The following SNTG1 variants were observed in gnomAD, a reference collection of about 807,000 sequenced individuals.
SNTG1 encodes syntrophin gamma 1.
A neutral mutation model predicts 74.7 loss-of-function variants in SNTG1; 39 were observed. The observed-to-expected ratio is 0.52, with a 90% CI of 0.40 to 0.68. The LOEUF is 0.68. SNTG1 is among the 30% of genes least tolerant of loss of function. SNTG1 has a pLI of 0.00. For missense variants in SNTG1, 685 were observed against 609.5 expected (o/e 1.12, Z -1.30); for synonymous variants, 254 against 217.1 (o/e 1.17, Z -1.49).
rs901465519 is a variant in SNTG1 at position 50,246,511 on chromosome 8, T to G, written c.-28+73876T>G. ...AGAAACATTAGTGTCTTTCTTTTTT[T>G]TTTTTTTTGCTTAATTAGAAAAGAA... is the stretch of plus-strand genomic sequence containing the variant. On this transcript the variant is annotated intron_variant, in intron 2 of 18. Transcript: ENST00000642720. Among the ~76,000 whole-genome samples the G allele has an allele frequency of 1.7e-4, 26 of 152,142 alleles. No individual in the cohort carries two copies. The South Asian group carries it at 3.9e-3, about 23-fold the overall frequency.
chr8:50,764,112 T>C (rs1284422399), intron 18 of SNTG1, among the ~76,000 whole-genome samples: 1 of 151,518 alleles, frequency 6.6e-6, no homozygotes, highest in African/African-American at 2.4e-5. Flanking sequence ...GACAAGAAAA[T>C]GGAATTTTCA....
intron 1 of SNTG1, among the ~76,000 whole-genome samples, chr8:49,944,957 T>G (rs922945824): frequency 3.3e-5 from 5 of 152,078 alleles, no homozygotes; most frequent in African/African-American, 1.2e-4. Context: ...CTGGCTAATT[T>G]TTTTGTATTT....
Position 50,485,288 on chromosome 8 carries a change from T to G in SNTG1, c.364-17490T>G, listed in dbSNP as rs186542853. Among the ~76,000 whole-genome samples, 647 of 152,366 alleles carry G rather than the reference T, an allele frequency of 4.2e-3. 2 individuals carry two copies. The highest frequency in any genetic ancestry group is 6.4e-3 in the Non-Finnish European group (437 of 68,038). ...AGACAACTGTACCACATTTCAGTGA[T>G]GTCAGTATTATTAGCACAGAGGCCA... is the stretch of plus-strand genomic sequence containing the variant. On this transcript the variant is annotated intron_variant, in intron 8 of 18. Coordinates refer to ENST00000642720, the MANE Select transcript of SNTG1 (RefSeq NM_018967.5).
At chr8:50,115,239 A>T (rs181552900) in intron 1 of SNTG1, among the ~76,000 whole-genome samples, 1 of 152,000 alleles carries the variant, frequency 6.6e-6, no homozygotes, top group Non-Finnish European at 1.5e-5. Context: ...ATTAAATTCT[A>T]CTAAGGATGT....
In SNTG1 at chr8:50,197,690, T is replaced by C. The variant is rs192111605; in HGVS notation, c.-28+25055T>C. 1.8e-3 allele frequency among the ~76,000 whole-genome samples: 268 copies of C among 152,274 alleles called. 2 individuals carry two copies. The highest frequency in any genetic ancestry group is 6.1e-3 in the African/African-American group (252 of 41,550). ...AGCTACATATCACTAAAAATAAGGA[T>C]ATTCTACTTTATCATTTTACCTTCC... On this transcript the variant is annotated intron_variant, in intron 2 of 18. Transcript: ENST00000642720.
chr8:50,411,214 C>T (rs769404780), intron 4 of SNTG1, among the ~76,000 whole-genome samples: 9 of 151,894 alleles, frequency 5.9e-5, no homozygotes, highest in Non-Finnish European at 1.0e-4. Flanking sequence ...TTTGGGAGGC[C>T]GAGATGGCCA....
chr8:50,719,758 A>G (rs917493361), intron 17 of SNTG1, among the ~76,000 whole-genome samples: 1 of 152,202 alleles, frequency 6.6e-6, no homozygotes, highest in Non-Finnish European at 1.5e-5. Flanking sequence ...TATGATTAAA[A>G]TAAATATTGT....
chr8:50,779,606 G>A (rs2095652320), intron 18 of SNTG1, among the ~76,000 whole-genome samples: 1 of 150,628 alleles, frequency 6.6e-6, no homozygotes, highest in South Asian at 2.1e-4. Flanking sequence ...ATTTTGGGCT[G>A]AGACAATGGG....
intron 13 of SNTG1, among the ~76,000 whole-genome samples, chr8:50,622,547 A>G (rs932255031): frequency 1.3e-5 from 2 of 152,304 alleles, no homozygotes; most frequent in South Asian, 2.1e-4. Context: ...AGGGTAAACT[A>G]TAAGTTCTCT....
chr8:50,132,919 T>C (rs1005710511), intron 1 of SNTG1, among the ~76,000 whole-genome samples: 3 of 152,176 alleles, frequency 2.0e-5, no homozygotes, highest in African/African-American at 7.2e-5. Flanking sequence ...ACTGGATCCA[T>C]GAGTTACACA....
intron 9 of SNTG1, among the ~76,000 whole-genome samples, chr8:50,522,435 A>G (rs1417005462): frequency 2.0e-5 from 3 of 152,128 alleles, no homozygotes; most frequent in Non-Finnish European, 4.4e-5. Context: ...CAGGCAGAGT[A>G]GATTCACCAT....
At chr8:50,693,693 A>T (rs572998248) in intron 15 of SNTG1, among the ~76,000 whole-genome samples, 2 of 152,320 alleles carry the variant, frequency 1.3e-5, no homozygotes, top group South Asian at 4.1e-4. Flanking sequence ...GACATTCTCT[A>T]GGATAAATCA....
At chr8:50,646,132 T>C (rs981963845) in intron 13 of SNTG1, among the ~76,000 whole-genome samples, 2 of 152,358 alleles carry the variant, frequency 1.3e-5, no homozygotes, top group East Asian at 1.9e-4. Flanking sequence ...CCATCATTTC[T>C]TTTTCTCTTT....
chr8:50,545,984 A>G lies in SNTG1; in HGVS notation c.681-7066A>G, dbSNP rs182796316. ...TGTTCATTGAAGGAGGGAAACCTAC[A>G]GGAATGTATATTTTGGGGGATCTGA... On this transcript the variant is annotated intron_variant, in intron 11 of 18. Transcript: ENST00000642720. 5.4e-4 allele frequency among the ~76,000 whole-genome samples: 83 copies of G among 152,296 alleles called. No homozygotes were observed. The South Asian group carries it at 7.2e-3, about 13-fold the overall frequency.
intron 2 of SNTG1, among the ~76,000 whole-genome samples, chr8:50,318,072 G>C (rs747142753): frequency 3.0e-4 from 46 of 151,944 alleles, no homozygotes; most frequent in Non-Finnish European, 6.3e-4. Flanking sequence ...TCCTGACCTC[G>C]TGATCCGCCC....
At position 50,450,739 on chromosome 8, in the gene SNTG1, C is replaced by A; in HGVS notation, c.363+10C>A. 1.2e-6 allele frequency: 2 copies of A among 1,611,888 alleles called. No individual in the cohort carries two copies. The highest frequency in any genetic ancestry group is 1.7e-6 in the Non-Finnish European group (2 of 1,179,270). On this transcript the variant is annotated intron_variant, in intron 8 of 18. Transcript: ENST00000642720. ...TAGACATGAAGAAGTGGTGAGTTTA[C>A]TTTTTCCTAATGTCATAGTTTTCCC...
At chr8:50,752,692 A>G (rs2095570656) in intron 18 of SNTG1, among the ~76,000 whole-genome samples, 1 of 152,004 alleles carries the variant, frequency 6.6e-6, no homozygotes, top group African/African-American at 2.4e-5. Context: ...TAACATTACC[A>G]TATTTCTATT....
chr8:50,465,700 A>G (rs2093603561), intron 8 of SNTG1, among the ~76,000 whole-genome samples: 1 of 152,178 alleles, frequency 6.6e-6, no homozygotes, highest in Non-Finnish European at 1.5e-5. Context: ...AAAATTGTGA[A>G]AATCTAGCCT....
chr8:50,117,339 G>A (rs1427593962), intron 1 of SNTG1, among the ~76,000 whole-genome samples: 3 of 152,052 alleles, frequency 2.0e-5, no homozygotes, highest in Non-Finnish European at 4.4e-5. Flanking sequence ...AACAGGCTAT[G>A]CTTGTTTATC....
Sources: allele counts gnomAD v4.1 joint callset (sites outside exome capture counted in the v4.1 genomes callset), GRCh38; gene constraint gnomAD v4.1.1; transcripts MANE v1.5; gene names NCBI Gene and HGNC (gene_info 2026-07-23, HGNC 2026-07-21).